FIG4: variants seen among roughly 807,000 people sequenced by gnomAD.
The protein encoded by FIG4 is FIG4 phosphoinositide 5-phosphatase, also known as polyphosphoinositide phosphatase.
Under a neutral mutation model 118.6 loss-of-function variants are expected in FIG4, and 112 were observed. That is an observed-to-expected ratio of 0.94 (90% CI 0.81 to 1.11). The LOEUF is 1.11. Ranked by LOEUF, FIG4 falls within the 50% of genes least tolerant of loss-of-function variation. The pLI, the probability that FIG4 is intolerant of heterozygous loss-of-function variation, is 0.00. For missense variants in FIG4, 969 were observed against 1,111.7 expected (o/e 0.87, Z 1.83); for synonymous variants, 369 against 381.2 (o/e 0.97, Z 0.37).
At chr6:109,698,129 C>G (rs961027584) in intron 1 of FIG4, among the ~76,000 whole-genome samples, 1 of 151,808 alleles carries the variant, frequency 6.6e-6, no homozygotes, top group African/African-American at 2.4e-5. Flanking sequence ...ACCTTGTGAT[C>G]CGCCCGCCTC....
intron 22 of FIG4, among the ~76,000 whole-genome samples, chr6:109,820,913 A>C (rs937953595): frequency 2.0e-5 from 3 of 152,174 alleles, no homozygotes; most frequent in Admixed American, 1.3e-4. Flanking sequence ...CAAGAGGAAG[A>C]AGCAGGAGGA....
At position 109,825,226 on chromosome 6, in the gene FIG4, C is replaced by T. The variant is rs764459799; in HGVS notation, c.2685C>T (p.Ser895=). 2.5e-6 allele frequency: 4 copies of T among 1,614,110 alleles called. No individual in the cohort carries two copies. The East Asian group carries it at 8.9e-5, about 36-fold the overall frequency. Residue 895 remains serine (S), a synonymous_variant, in exon 23 of 23, where the codon TCC becomes TCT. Transcript: ENST00000230124. Reference sequence around the variant, plus strand: ...TGCAGCCCCTAGGAAAAGAGGACTCCTCCATGTACCGAGAGTACATCAGGA... The same window carrying T: ...TGCAGCCCCTAGGAAAAGAGGACTCTTCCATGTACCGAGAGTACATCAGGA... ...GIMQPLGKED[S]SMYREYIRNR...
intron 1 of FIG4, among the ~76,000 whole-genome samples, chr6:109,708,235 G>T (rs1775148809): frequency 6.6e-6 from 1 of 152,210 alleles, no homozygotes; most frequent in Admixed American, 6.5e-5. Flanking sequence ...GCAGTATTTG[G>T]TTTTTTGTTT....
intron 16 of FIG4, among the ~76,000 whole-genome samples, chr6:109,781,687 G>A: frequency 6.7e-6 from 1 of 149,264 alleles, no homozygotes; most frequent in Non-Finnish European, 1.5e-5. Flanking sequence ...TACCATTCTT[G>A]TCATGTTCGT....
chr6:109,748,853 G>T (rs1776592090), intron 10 of FIG4, among the ~76,000 whole-genome samples: 1 of 151,982 alleles, frequency 6.6e-6, no homozygotes, highest in Non-Finnish European at 1.5e-5. Flanking sequence ...AACGGTATGG[G>T]GGAGACCACC....
At chr6:109,778,865 C>T (rs889329886) in intron 16 of FIG4, among the ~76,000 whole-genome samples, 1 of 152,296 alleles carries the variant, frequency 6.6e-6, no homozygotes, top group African/African-American at 2.4e-5. Flanking sequence ...TCCCAAAGTG[C>T]TGGGATTACA....
At chr6:109,763,164 G>C (rs1777163564) in intron 12 of FIG4, among the ~76,000 whole-genome samples, 1 of 152,188 alleles carries the variant, frequency 6.6e-6, no homozygotes, top group Non-Finnish European at 1.5e-5. Flanking sequence ...GACTTCCAGA[G>C]GGAAAGAAGG....
chr6:109,746,230 A>G (rs1474803306), intron 10 of FIG4, among the ~76,000 whole-genome samples: 3 of 152,178 alleles, frequency 2.0e-5, no homozygotes, highest in Non-Finnish European at 4.4e-5. Flanking sequence ...CTTACACCTT[A>G]TAGTCAGTCA....
intron 22 of FIG4, among the ~76,000 whole-genome samples, chr6:109,812,308 G>A (rs887630433): frequency 2.0e-5 from 3 of 152,072 alleles, no homozygotes; most frequent in Non-Finnish European, 4.4e-5. Context: ...CTGAAGCCTG[G>A]GTCAAAGGCA....
chr6:109,820,744 C>CA (rs954599433), intron 22 of FIG4, among the ~76,000 whole-genome samples: 9 of 152,112 alleles, frequency 5.9e-5, no homozygotes, highest in Admixed American at 3.9e-4. Context: ...AATCCTCACA[C>CA]AAAAAAACAG....
intron 15 of FIG4, among the ~76,000 whole-genome samples, chr6:109,770,780 C>T (rs183401979): frequency 8.5e-5 from 13 of 152,272 alleles, no homozygotes; most frequent in East Asian, 3.9e-4. Flanking sequence ...AAACACCTTC[C>T]GCCAGACTCC....
chr6:109,773,132 A>C (rs371072841), intron 15 of FIG4, among the ~76,000 whole-genome samples: 3 of 152,164 alleles, frequency 2.0e-5, no homozygotes, highest in African/African-American at 4.8e-5. Context: ...ACCACAGTGC[A>C]CCAAATACAT....
chr6:109,802,835 T>C (rs1412692282), intron 22 of FIG4, among the ~76,000 whole-genome samples: 2 of 152,192 alleles, frequency 1.3e-5, no homozygotes, highest in Non-Finnish European at 2.9e-5. Context: ...AATTGGGAGC[T>C]GGGATAAGCA....
Position 109,825,402 on chromosome 6 carries a change from A to G in FIG4, c.*137A>G, listed in dbSNP as rs1779132070. On this transcript the variant is annotated 3_prime_UTR_variant, in exon 23 of 23. Transcript: ENST00000230124. ...TTCTGTCACTTGCAAATTCCAAATT[A>G]TAGCTAATAAAGATGACTAGATAAT... is the stretch of plus-strand genomic sequence containing the variant. The G allele has an allele frequency of 1.3e-6, 1 of 741,248 alleles. No homozygotes were observed. The highest frequency in any genetic ancestry group is 2.2e-5 in the Admixed American group (1 of 45,532). 45.9% of individuals were successfully genotyped at this position (741,248 alleles called of 1,614,324 possible).
chr6:109,787,875 G>A lies in FIG4; in HGVS notation c.2096+1426G>A, dbSNP rs552050431. Among the ~76,000 whole-genome samples the A allele has an allele frequency of 4.6e-4, 70 of 152,236 alleles. No individual in the cohort carries two copies. In the Middle Eastern group the frequency reaches 0.024, roughly 52 times the overall value. On this transcript the variant is annotated intron_variant, in intron 18 of 22. Transcript: ENST00000230124. ...ATAACCTAGTTTTGTGTATGTTTTT[G>A]TTTAAAGACAGAAACGTAGTTAATA... is the stretch of plus-strand genomic sequence containing the variant.
At chr6:109,748,481 T>A (rs918163214) in intron 10 of FIG4, among the ~76,000 whole-genome samples, 1 of 151,884 alleles carries the variant, frequency 6.6e-6, no homozygotes, top group Non-Finnish European at 1.5e-5. Flanking sequence ...AGTGTGGAAA[T>A]AAAAGAGGTC....
At chr6:109,781,726 A>G (rs1309559018) in intron 16 of FIG4, among the ~76,000 whole-genome samples, 3 of 95,220 alleles carry the variant, frequency 3.2e-5, no homozygotes, top group Non-Finnish European at 9.2e-5. Flanking sequence ...CAAAAAAAGT[A>G]TTGAAATGTG....
intron 4 of FIG4, among the ~76,000 whole-genome samples, chr6:109,731,229 A>G (rs539005819): frequency 6.6e-6 from 1 of 152,338 alleles, no homozygotes; most frequent in South Asian, 2.1e-4. Flanking sequence ...TATGAGTTAT[A>G]CACTATGAGT....
At chr6:109,810,865 G>C (rs759143409) in intron 22 of FIG4, among the ~76,000 whole-genome samples, 71 of 152,254 alleles carry the variant, frequency 4.7e-4, no homozygotes, top group Non-Finnish European at 8.1e-4. Flanking sequence ...GTCTATAGTT[G>C]TCCCAGTTCC....
Sources: gnomAD v4.1 joint callset for allele counts (sites outside exome capture counted in the v4.1 genomes callset) on GRCh38, gnomAD v4.1.1 for gene constraint, MANE v1.5 for transcripts, NCBI Gene and HGNC (gene_info 2026-07-23, HGNC 2026-07-21) for gene names.